Variants in FRMPD4 observed in about 807,000 individuals in gnomAD.
FRMPD4 encodes the protein FERM and PDZ domain-containing protein 4.
A neutral mutation model predicts 94.1 loss-of-function variants in FRMPD4; 22 were observed. The observed-to-expected ratio is 0.23, with a 90% CI of 0.17 to 0.33. FRMPD4 has a LOEUF of 0.33. Ranked by LOEUF, FRMPD4 falls within the 10% of genes least tolerant of loss-of-function variation. The probability of loss-of-function intolerance (pLI) is 1.00; values close to 1 mark genes in which losing one functional copy is unlikely to be tolerated. For missense variants in FRMPD4, 1,111 were observed against 1,339.9 expected, an observed-to-expected ratio of 0.83 and a Z score of 2.67; for synonymous variants, 631 against 548.6, an observed-to-expected ratio of 1.15 and a Z score of -2.10.
At chrX:12,140,310 C>T (rs766474322) in intron 1 of FRMPD4, among the ~76,000 whole-genome samples, 1 of 112,423 alleles carries the variant, frequency 8.9e-6, no homozygotes, top group African/African-American at 3.2e-5. Flanking sequence ...TGTCTTAGAG[C>T]AGCTCAGGAA....
At chrX:12,093,154 C>T (rs1449129035) in intron 3 of FRMPD4, among the ~76,000 whole-genome samples, 4 of 111,245 alleles carry the variant, frequency 3.6e-5, no homozygotes, top group East Asian at 2.8e-4. Flanking sequence ...ACTGCCCAGA[C>T]AGTACAGTGT....
At chrX:11,834,138 C>T (rs764307343) in intron 1 of FRMPD4, among the ~76,000 whole-genome samples, 1 of 111,759 alleles carries the variant, frequency 8.9e-6, no homozygotes, top group Non-Finnish European at 1.9e-5. Context: ...GTCCTTTTCT[C>T]TCCATCCAGT....
intron 1 of FRMPD4, among the ~76,000 whole-genome samples, chrX:12,485,729 C>A (rs1397093272): frequency 9.1e-6 from 1 of 110,310 alleles, no homozygotes; most frequent in Non-Finnish European, 1.9e-5. Flanking sequence ...GCCAACACTG[C>A]AAAACCACAT....
intron 1 of FRMPD4, among the ~76,000 whole-genome samples, chrX:11,833,987 C>A (rs888569568): frequency 1.8e-5 from 2 of 111,915 alleles, no homozygotes; most frequent in African/African-American, 6.5e-5. Context: ...TCCCTCTGAA[C>A]TGGGACATGC....
chrX:12,264,779 A>G (rs1389731991), intron 1 of FRMPD4, among the ~76,000 whole-genome samples: 1 of 112,621 alleles, frequency 8.9e-6, no homozygotes, highest in Non-Finnish European at 1.9e-5. Context: ...TTCAAATGAC[A>G]AAGTTATTTT....
chrX:11,922,144 T>G (rs942520346), intron 3 of FRMPD4, among the ~76,000 whole-genome samples: 46 of 107,754 alleles, frequency 4.3e-4, no homozygotes, highest in Non-Finnish European at 2.5e-4. Flanking sequence ...TGAGACTGGG[T>G]AAGTTATAAA....
At chrX:12,583,543 C>A in intron 2 of FRMPD4, 1 of 946,221 alleles carries the variant, frequency 1.1e-6, no homozygotes, top group Non-Finnish European at 1.5e-6. Flanking sequence ...ATCCTCATAA[C>A]CAAAACCACG....
At chrX:12,427,907 T>C (rs1284197618) in intron 1 of FRMPD4, among the ~76,000 whole-genome samples, 5,666 of 69,755 alleles carry the variant, frequency 0.081, 251 homozygotes, top group South Asian at 0.21. Context: ...CTTTTTTTTT[T>C]TTTTTTTTTT....
intron 1 of FRMPD4, among the ~76,000 whole-genome samples, chrX:12,479,300 A>G (rs2057642492): frequency 3.7e-5 from 4 of 107,069 alleles, no homozygotes; most frequent in Non-Finnish European, 7.7e-5. Context: ...GAGAAGTAAA[A>G]TATAACAGCC....
At chrX:11,870,181 C>A (rs151201558) in intron 2 of FRMPD4, among the ~76,000 whole-genome samples, 2 of 111,960 alleles carry the variant, frequency 1.8e-5, no homozygotes, top group Non-Finnish European at 3.8e-5. Context: ...TTTATGTTAA[C>A]TTTCATAGAT....
In FRMPD4 at chrX:12,498,658, C is replaced by CT. The variant is rs111618469; in HGVS notation, c.42-10dup. The CT allele has an allele frequency of 0.032, 21,023 of 651,374 alleles. 4 individuals are homozygous for CT. Among genetic ancestry groups the CT allele is most frequent in the Non-Finnish European group, 0.034 (15,430 of 449,234 alleles). 53.7% of individuals were successfully genotyped at this position (651,374 alleles called of 1,213,427 possible). Reference sequence around the variant, plus strand: ...TGTTCAGGAGTCAGGTGTAATGATGCTTTTTTTTTTTTCTTTTCCAGCCAC... The same window carrying CT: ...TGTTCAGGAGTCAGGTGTAATGATGCTTTTTTTTTTTTTCTTTTCCAGCCAC... On this transcript the variant is annotated intron_variant, in intron 1 of 16. Coordinates refer to ENST00000675598, the MANE Select transcript of FRMPD4 (RefSeq NM_001368397.1).
intron 3 of FRMPD4, among the ~76,000 whole-genome samples, chrX:11,892,644 C>T (rs958593597): frequency 8.9e-6 from 1 of 112,293 alleles, no homozygotes; most frequent in Non-Finnish European, 1.9e-5. Context: ...TGAGGGGAAT[C>T]GTTCACAGTT....
intron 4 of FRMPD4, among the ~76,000 whole-genome samples, chrX:12,651,977 T>C (rs899370564): frequency 1.2e-4 from 13 of 112,494 alleles, no homozygotes; most frequent in African/African-American, 3.9e-4. Flanking sequence ...TCAAAATTTT[T>C]CACATCTCAA....
intron 1 of FRMPD4, among the ~76,000 whole-genome samples, chrX:11,854,112 G>A (rs2053640989): frequency 8.9e-6 from 1 of 111,764 alleles, no homozygotes; most frequent in African/African-American, 3.3e-5. Context: ...TCTTCACAGG[G>A]CAGCAGGGGA....
At chrX:12,028,670 A>G (rs763717343) in intron 3 of FRMPD4, among the ~76,000 whole-genome samples, 2 of 110,750 alleles carry the variant, frequency 1.8e-5, no homozygotes, top group Non-Finnish European at 3.8e-5. Context: ...CCTGAGAACC[A>G]CTGATCTTTT....
intron 4 of FRMPD4, among the ~76,000 whole-genome samples, chrX:12,663,998 C>T (rs1306624617): frequency 3.6e-5 from 4 of 111,940 alleles, no homozygotes; most frequent in Non-Finnish European, 7.5e-5. Context: ...ATTTGGCTCT[C>T]TGTTTGTCTA....
rs1455721096 is a variant in FRMPD4 at position 12,297,641 on chromosome X, G to C, written c.41+158629G>C. On this transcript the variant is annotated intron_variant, in intron 1 of 16. Transcript: ENST00000675598. ...TAGGAGAGAAGGCAGAATTGTGGGA[G>C]AGACAGGGATTTGTAGAAGAGAACA... Among the ~76,000 whole-genome samples, 3 of 111,908 alleles carry C rather than the reference G, an allele frequency of 2.7e-5. No individual in the cohort carries two copies. In the Admixed American group the frequency reaches 2.8e-4, roughly 11 times the overall value.
chrX:12,450,099 G>C (rs2057247312), intron 1 of FRMPD4, among the ~76,000 whole-genome samples: 1 of 110,511 alleles, frequency 9.0e-6, no homozygotes. Flanking sequence ...AGGGGAGAGA[G>C]ATGTATTATT....
intron 1 of FRMPD4, among the ~76,000 whole-genome samples, chrX:12,297,763 A>G (rs1355582274): frequency 9.0e-6 from 1 of 111,445 alleles, no homozygotes; most frequent in Non-Finnish European, 1.9e-5. Flanking sequence ...GAAACAAAGA[A>G]TGGCTGGAGT....
Sources: gnomAD v4.1 joint callset for allele counts (sites outside exome capture counted in the v4.1 genomes callset) on GRCh38, gnomAD v4.1.1 for gene constraint, MANE v1.5 for transcripts, NCBI Gene and HGNC (gene_info 2026-07-23, HGNC 2026-07-21) for gene names.